Variants in NRXN3 observed in about 807,000 individuals in gnomAD.
The protein encoded by NRXN3 is neurexin 3.
Under a neutral mutation model 137.6 loss-of-function variants are expected in NRXN3, and 32 were observed. The ratio of observed to expected loss-of-function variants is 0.23; its 90% CI spans 0.18 to 0.31. The LOEUF (loss-of-function observed/expected upper bound fraction) is 0.31. NRXN3 is among the 10% of genes least tolerant of loss of function. The pLI, the probability that NRXN3 is intolerant of heterozygous loss-of-function variation, is 1.00. For synonymous variants in NRXN3, 798 were observed against 784.5 expected (o/e 1.02, Z -0.29); for missense variants, 1,574 against 2,062.5 (o/e 0.76, Z 4.59).
At chr14:79,030,412 C>A (rs944576267) in intron 15 of NRXN3, among the ~76,000 whole-genome samples, 1 of 152,006 alleles carries the variant, frequency 6.6e-6, no homozygotes, top group East Asian at 1.9e-4. Flanking sequence ...ATCCTGCTGA[C>A]CCCCAGAACC....
chr14:78,560,443 C>T (rs1180143942), intron 4 of NRXN3, among the ~76,000 whole-genome samples: 1 of 152,200 alleles, frequency 6.6e-6, no homozygotes, highest in Admixed American at 6.5e-5. Flanking sequence ...TTTCATAATG[C>T]ATGAGTGTTT....
chr14:79,505,310 A>C (rs1158280410), intron 16 of NRXN3, among the ~76,000 whole-genome samples: 1 of 151,998 alleles, frequency 6.6e-6, no homozygotes, highest in Non-Finnish European at 1.5e-5. Context: ...ACTCATATAC[A>C]CAGTCCAATA....
chr14:78,730,217 C>G (rs1039514192), intron 8 of NRXN3, among the ~76,000 whole-genome samples: 1 of 152,172 alleles, frequency 6.6e-6, no homozygotes, highest in Non-Finnish European at 1.5e-5. Context: ...GAGAAGCAGG[C>G]TTATGCATCT....
chr14:78,191,473 C>A (rs2060720902), intron 1 of NRXN3, among the ~76,000 whole-genome samples: 1 of 152,158 alleles, frequency 6.6e-6, no homozygotes, highest in Non-Finnish European at 1.5e-5. Flanking sequence ...CATGGAAGTG[C>A]ATTTGATGAG....
intron 4 of NRXN3, among the ~76,000 whole-genome samples, chr14:78,311,761 T>G (rs1365813974): frequency 6.6e-6 from 1 of 152,114 alleles, no homozygotes; most frequent in African/African-American, 2.4e-5. Flanking sequence ...CACAAAGAGC[T>G]ATAGGATTTC....
chr14:78,919,187 T>C (rs2099264500), intron 10 of NRXN3, among the ~76,000 whole-genome samples: 1 of 152,244 alleles, frequency 6.6e-6, no homozygotes. Context: ...TTGAAATAAA[T>C]GACTTCTAAA....
At chr14:79,432,403 C>T (rs994690679) in intron 15 of NRXN3, among the ~76,000 whole-genome samples, 1 of 152,144 alleles carries the variant, frequency 6.6e-6, no homozygotes, top group Non-Finnish European at 1.5e-5. Flanking sequence ...CTGTGCTGTT[C>T]TCCTACCTCT....
intron 4 of NRXN3, among the ~76,000 whole-genome samples, chr14:78,530,453 T>C (rs2096444944): frequency 6.6e-6 from 1 of 152,216 alleles, no homozygotes; most frequent in South Asian, 2.1e-4. Flanking sequence ...CTTAGGCTTC[T>C]ACAAGTTATT....
intron 15 of NRXN3, among the ~76,000 whole-genome samples, chr14:79,034,911 A>T (rs1443862657): frequency 2.0e-5 from 3 of 152,120 alleles, no homozygotes; most frequent in African/African-American, 4.8e-5. Context: ...CCACATTCCA[A>T]GCAAATGCTC....
intron 4 of NRXN3, among the ~76,000 whole-genome samples, chr14:78,549,883 A>G (rs2096669808): frequency 6.6e-6 from 1 of 151,848 alleles, no homozygotes; most frequent in Non-Finnish European, 1.5e-5. Flanking sequence ...ATTCATTCTA[A>G]TCTCATTTGA....
chr14:79,457,278 A>G (rs913715737), intron 15 of NRXN3, among the ~76,000 whole-genome samples: 6 of 152,190 alleles, frequency 3.9e-5, no homozygotes, highest in Admixed American at 1.3e-4. Flanking sequence ...AAAGTCTCCT[A>G]TAGTCAAAAA....
chr14:79,260,548 C>T (rs1006314966), intron 15 of NRXN3, among the ~76,000 whole-genome samples: 1 of 152,104 alleles, frequency 6.6e-6, no homozygotes, highest in South Asian at 2.1e-4. Context: ...TGTATGATTT[C>T]GTATCTGGTG....
intron 15 of NRXN3, chr14:79,280,598 C>G: frequency 6.8e-7 from 1 of 1,463,794 alleles, no homozygotes; most frequent in Middle Eastern, 1.8e-4. Context: ...ACCCACTAGC[C>G]TTGCAGGTAG....
At chr14:79,189,739 A>G (rs2064027380) in intron 15 of NRXN3, among the ~76,000 whole-genome samples, 1 of 152,198 alleles carries the variant, frequency 6.6e-6, no homozygotes, top group Non-Finnish European at 1.5e-5. Flanking sequence ...AACAGTGAAA[A>G]CTGTAAGTCA....
chr14:78,644,989 G>T (rs2152573789), intron 4 of NRXN3, 131 bp from the exon 5 acceptor site: 1 of 730,030 alleles, frequency 1.4e-6, no homozygotes, highest in East Asian at 2.8e-5. Context: ...CAGAAGAATT[G>T]AAGGGAGTGC....
At chr14:78,234,459 G>A (rs2065897071) in intron 1 of NRXN3, among the ~76,000 whole-genome samples, 1 of 152,186 alleles carries the variant, frequency 6.6e-6, no homozygotes, top group Non-Finnish European at 1.5e-5. Flanking sequence ...GCATGGAGTG[G>A]ATAAGTGATG....
intron 15 of NRXN3, among the ~76,000 whole-genome samples, chr14:79,080,976 T>C (rs1288032818): frequency 1.3e-5 from 2 of 152,158 alleles, no homozygotes; most frequent in African/African-American, 4.8e-5. Flanking sequence ...TTTTTTTGTT[T>C]TGTTTTGGTT....
At chr14:79,202,407 G>T (rs755648592) in intron 15 of NRXN3, among the ~76,000 whole-genome samples, 1 of 151,856 alleles carries the variant, frequency 6.6e-6, no homozygotes, top group Non-Finnish European at 1.5e-5. Context: ...GTAAGTTATT[G>T]GGGGTACAGG....
At chr14:78,645,067 T>A in intron 4 of NRXN3, 53 bp from the exon 5 acceptor site, 1 of 1,464,650 alleles carries the variant, frequency 6.8e-7, no homozygotes, top group South Asian at 1.3e-5. Context: ...TTTGCATAGG[T>A]CTGACTCTTG....
Sources: gnomAD v4.1 joint callset for allele counts (sites outside exome capture counted in the v4.1 genomes callset) on GRCh38, gnomAD v4.1.1 for gene constraint, MANE v1.5 for transcripts, NCBI Gene and HGNC (gene_info 2026-07-23, HGNC 2026-07-21) for gene names.